Variants in LIN28B observed in about 807,000 individuals in gnomAD.
LIN28B encodes the protein lin-28 RNA binding posttranscriptional regulator B, also known as protein lin-28 homolog B.
In LIN28B, 5 loss-of-function variants were observed where a neutral mutation model predicts 21.9. The observed-to-expected ratio is 0.23, with a 90% CI of 0.12 to 0.48. The LOEUF is 0.48. LIN28B is among the 20% of genes least tolerant of loss of function. The pLI, the probability that LIN28B is intolerant of heterozygous loss-of-function variation, is 0.98. For missense variants in LIN28B, 245 were observed against 310.5 expected (o/e 0.79, Z 1.58); for synonymous variants, 109 against 111.3 (o/e 0.98, Z 0.13).
chr6:105,048,487 T>C (rs1771818909), intron 3 of LIN28B, among the ~76,000 whole-genome samples: 1 of 152,262 alleles, frequency 6.6e-6, no homozygotes, highest in East Asian at 1.9e-4. Context: ...TCTCTTTTTG[T>C]TGTGTCTCTG....
chr6:105,070,277 T>G (rs149019930), intron 3 of LIN28B, among the ~76,000 whole-genome samples: 2 of 152,296 alleles, frequency 1.3e-5, no homozygotes, highest in Non-Finnish European at 2.9e-5. Flanking sequence ...TCAAAATGAT[T>G]CTGAGTCACT....
At chr6:105,075,452 G>A (rs2114422521) in intron 3 of LIN28B, among the ~76,000 whole-genome samples, 1 of 152,306 alleles carries the variant, frequency 6.6e-6, no homozygotes, top group East Asian at 1.9e-4. Context: ...TAGTAAGAGT[G>A]ATTGACACTG....
chr6:104,947,026 G>C (rs762996531), intron 2 of LIN28B, among the ~76,000 whole-genome samples: 16 of 152,126 alleles, frequency 1.1e-4, no homozygotes, highest in Non-Finnish European at 2.2e-4. Flanking sequence ...GTAAAAGTTA[G>C]CATGATGTGA....
At chr6:104,938,332 G>T (rs535450677) in intron 2 of LIN28B, among the ~76,000 whole-genome samples, 2 of 151,988 alleles carry the variant, frequency 1.3e-5, no homozygotes, top group East Asian at 3.9e-4. Context: ...AATTGCCAAG[G>T]TTCACTTTTA....
chr6:105,033,694 A>G (rs1771469481), intron 3 of LIN28B, among the ~76,000 whole-genome samples: 1 of 151,744 alleles, frequency 6.6e-6, no homozygotes. Flanking sequence ...AGCTGTCTTT[A>G]TAAAAAAGTG....
chr6:105,041,984 A>G (rs1007854159), intron 3 of LIN28B, among the ~76,000 whole-genome samples: 2 of 152,180 alleles, frequency 1.3e-5, no homozygotes, highest in African/African-American at 2.4e-5. Context: ...TGAGTGCTCA[A>G]TCCTAGTGCC....
chr6:105,077,145 G>A (rs961999871), intron 3 of LIN28B, among the ~76,000 whole-genome samples: 4 of 151,870 alleles, frequency 2.6e-5, no homozygotes, highest in Non-Finnish European at 4.4e-5. Context: ...CAGGAGAATC[G>A]CCCAAATCCG....
In LIN28B at chr6:105,078,581, C is replaced by T. The variant is rs376897901; in HGVS notation, c.551C>T (p.Ser184Phe). 3 of 1,613,994 alleles carry T rather than the reference C, an allele frequency of 1.9e-6. No homozygotes were observed. The African/African-American group carries it at 4.0e-5, about 22-fold the overall frequency. ...TCTCAGGGAAGACAGGAAGCAGAATCCCAGCCATGCACTTCAACTCTCCCT... is the reference window on the plus strand; with the variant it reads ...TCTCAGGGAAGACAGGAAGCAGAATTCCAGCCATGCACTTCAACTCTCCCT... ...ASSQGRQEAE[S>F]QPCTSTLPRE... Residue 184 changes from serine (S) to phenylalanine (F), a missense_variant, in exon 4 of 4, where the codon TCC becomes TTC. Coordinates refer to ENST00000345080, the MANE Select transcript of LIN28B (RefSeq NM_001004317.4).
chr6:105,078,643 C>T lies in LIN28B; in HGVS notation c.613C>T (p.Pro205Ser), dbSNP rs1376386922. 2 of 1,614,176 alleles carry T rather than the reference C, an allele frequency of 1.2e-6. No individual in the cohort carries two copies. The highest frequency in any genetic ancestry group is 1.7e-5 in the Admixed American group (1 of 60,024). ...VGGGHGCTSP[P>S]FPQEARAEIS... ...AGGCGGGCATGGCTGTACATCACCA[C>T]CGTTTCCTCAGGAGGCTAGGGCAGA... Residue 205 changes from proline (P) to serine (S), a missense_variant, in exon 4 of 4, where the codon CCG (proline) becomes TCG (serine). Pro to Ser is a moderately conservative substitution (Grantham distance 74). Transcript: ENST00000345080.
chr6:104,986,055 G>A (rs1770332856), intron 2 of LIN28B, among the ~76,000 whole-genome samples: 1 of 152,000 alleles, frequency 6.6e-6, no homozygotes, highest in African/African-American at 2.4e-5. Context: ...TTGGATATGG[G>A]GGCCGATTTT....
intron 2 of LIN28B, among the ~76,000 whole-genome samples, chr6:104,975,826 TTTC>T (rs1283971475): frequency 2.5e-4 from 38 of 151,154 alleles, no homozygotes; most frequent in African/African-American, 7.3e-4. Context: ...AGCTAATTCT[TTTC>T]TTCTTCTTCT....
intron 2 of LIN28B, among the ~76,000 whole-genome samples, chr6:104,981,177 T>C (rs1770215621): frequency 6.6e-6 from 1 of 152,220 alleles, no homozygotes. Context: ...TTTAAAATCA[T>C]TCTACTCATA....
At chr6:104,950,700 A>G (rs989826803) in intron 3 of LIN28B, among the ~76,000 whole-genome samples, 1 of 152,062 alleles carries the variant, frequency 6.6e-6, no homozygotes, top group East Asian at 1.9e-4. Context: ...TCCCATAAGA[A>G]TTACGTGGAC....
chr6:104,993,680 C>T (rs1770540181), intron 2 of LIN28B, among the ~76,000 whole-genome samples: 1 of 151,338 alleles, frequency 6.6e-6, no homozygotes, highest in Admixed American at 6.6e-5. Context: ...TACAAAAATA[C>T]AAAAACTAGC....
At chr6:105,053,834 G>A (rs1771966925) in intron 3 of LIN28B, among the ~76,000 whole-genome samples, 1 of 151,974 alleles carries the variant, frequency 6.6e-6, no homozygotes, top group Admixed American at 6.6e-5. Flanking sequence ...CCGGGTTCAA[G>A]TAATTCTCCT....
chr6:104,962,092 G>A (rs1315439779), intron 2 of LIN28B, among the ~76,000 whole-genome samples: 2 of 152,092 alleles, frequency 1.3e-5, no homozygotes, highest in East Asian at 1.9e-4. Flanking sequence ...CTGGGAAGGT[G>A]TAGAATACAT....
chr6:105,022,456 T>C (rs1771159904), intron 2 of LIN28B, among the ~76,000 whole-genome samples: 2 of 152,148 alleles, frequency 1.3e-5, no homozygotes, highest in Admixed American at 1.3e-4. Context: ...AGAAATATAA[T>C]TGGACAAAAA....
At chr6:105,011,365 A>G (rs1770919122) in intron 2 of LIN28B, among the ~76,000 whole-genome samples, 1 of 152,030 alleles carries the variant, frequency 6.6e-6, no homozygotes. Context: ...TAATTTTTGT[A>G]TTTTTTGTAG....
At chr6:105,024,468 A>G (rs1335223843) in intron 2 of LIN28B, among the ~76,000 whole-genome samples, 1 of 152,226 alleles carries the variant, frequency 6.6e-6, no homozygotes, top group African/African-American at 2.4e-5. Flanking sequence ...TGAAAGCAAA[A>G]TAACTATTTA....
Sources: gnomAD v4.1 joint callset for allele counts (sites outside exome capture counted in the v4.1 genomes callset) on GRCh38, gnomAD v4.1.1 for gene constraint, MANE v1.5 for transcripts, NCBI Gene and HGNC (gene_info 2026-07-23, HGNC 2026-07-21) for gene names.